The following NEU3 variants were observed in gnomAD, a reference collection of about 807,000 sequenced individuals.
The protein encoded by NEU3 is neuraminidase 3, also known as sialidase-3.
In NEU3, 10 loss-of-function variants were observed where a neutral mutation model predicts 11.4. The observed-to-expected ratio is 0.88, with a 90% confidence interval of 0.54 to 1.49. NEU3 has a LOEUF of 1.49. NEU3 is among the 40% of genes most tolerant of loss of function. The pLI is 0.00. For missense variants in NEU3, 529 were observed against 581.8 expected (o/e 0.91, Z 0.93); for synonymous variants, 212 against 228.2 (o/e 0.93, Z 0.64).
intron 2 of NEU3, among the ~76,000 whole-genome samples, chr11:74,998,067 A>G (rs1304555132): frequency 6.6e-6 from 1 of 152,108 alleles, no homozygotes; most frequent in Non-Finnish European, 1.5e-5. Context: ...GCCTAATTTC[A>G]ATGTTGTTGC....
intron 2 of NEU3, among the ~76,000 whole-genome samples, chr11:75,000,866 G>A (rs1477291904): frequency 6.6e-6 from 1 of 151,568 alleles, no homozygotes; most frequent in African/African-American, 2.4e-5. Flanking sequence ...TTCATCTCTT[G>A]ATGGATACTT....
At chr11:74,995,825 A>G (rs1031729170) in intron 2 of NEU3, among the ~76,000 whole-genome samples, 100 of 151,552 alleles carry the variant, frequency 6.6e-4, no homozygotes, top group African/African-American at 2.3e-3. Context: ...TTATTTTTCT[A>G]GAAGCATTTC....
downstream of NEU3, among the ~76,000 whole-genome samples, chr11:75,012,648 C>A (rs1948963862): frequency 6.6e-6 from 1 of 152,202 alleles, no homozygotes; most frequent in Non-Finnish European, 1.5e-5. Context: ...CGACTTTGCA[C>A]TTGTGTTGAA....
the NEU3 span, among the ~76,000 whole-genome samples, chr11:74,982,705 A>G: frequency 6.6e-6 from 1 of 152,138 alleles, no homozygotes. Flanking sequence ...AAAAATGCCA[A>G]ATACCATGGG....
upstream of NEU3, among the ~76,000 whole-genome samples, chr11:74,983,386 G>A (rs1363490268): frequency 1.3e-5 from 2 of 152,166 alleles, no homozygotes; most frequent in African/African-American, 2.4e-5. Context: ...AAAAGCACAG[G>A]TTTAGTTGAA....
chr11:75,015,945 C>T (rs922027703), intron 3 of NEU3, among the ~76,000 whole-genome samples: 3 of 152,210 alleles, frequency 2.0e-5, no homozygotes, highest in African/African-American at 7.2e-5. Flanking sequence ...GATGTTTCAC[C>T]ACCCATACAG....
At chr11:75,013,275 G>C (rs762019853), downstream of NEU3, among the ~76,000 whole-genome samples, 14 of 145,590 alleles carry the variant, frequency 9.6e-5, no homozygotes, top group Non-Finnish European at 2.1e-4. Flanking sequence ...GATCTGATGA[G>C]TCAGTGAATC....
chr11:75,003,567 G>A (rs990458314), intron 2 of NEU3, among the ~76,000 whole-genome samples: 7 of 152,032 alleles, frequency 4.6e-5, no homozygotes, highest in African/African-American at 1.7e-4. Context: ...ACACTATTCT[G>A]TATTTTGCTT....
intron 2 of NEU3, among the ~76,000 whole-genome samples, chr11:75,003,972 C>G (rs1948872359): frequency 6.6e-6 from 1 of 152,076 alleles, no homozygotes; most frequent in African/African-American, 2.4e-5. Context: ...TTCATTTCAC[C>G]CATTCTGTAT....
upstream of NEU3, among the ~76,000 whole-genome samples, chr11:74,983,862 A>G (rs1228120270): frequency 6.6e-6 from 1 of 152,192 alleles, no homozygotes; most frequent in Non-Finnish European, 1.5e-5. Context: ...TCAATACAGA[A>G]ACTTGAGAAT....
At chr11:75,005,318 T>G in intron 2 of NEU3, 95 bp from the exon 3 acceptor site, 1 of 1,280,808 alleles carries the variant, frequency 7.8e-7, no homozygotes, top group Non-Finnish European at 1.1e-6. Flanking sequence ...TCAATATCAT[T>G]TATTTCTTAT....
intron 2 of NEU3, 26 bp from the exon 3 acceptor site, chr11:75,005,387 C>A: frequency 1.3e-6 from 2 of 1,547,372 alleles, no homozygotes; most frequent in South Asian, 1.2e-5. Context: ...TATCTCACTC[C>A]TACTTTCTCC....
chr11:74,990,170 T>C (rs1948714731), intron 1 of NEU3: 2 of 615,290 alleles, frequency 3.3e-6, no homozygotes, highest in African/African-American at 3.7e-5. Context: ...AAAACACTTT[T>C]GAGTGGTTCT....
intron 1 of NEU3, chr11:74,989,863 G>C: frequency 3.0e-6 from 2 of 658,396 alleles, no homozygotes; most frequent in Non-Finnish European, 5.5e-6. Context: ...GGACTTGATG[G>C]GAAAGTGATT....
downstream of NEU3, among the ~76,000 whole-genome samples, chr11:75,019,659 G>A (rs1426920274): frequency 2.6e-5 from 4 of 152,214 alleles, no homozygotes; most frequent in African/African-American, 9.6e-5. Context: ...CAGAAGTCAA[G>A]AATTGGGATT....
At chr11:74,996,581 C>T (rs1948792604) in intron 2 of NEU3, among the ~76,000 whole-genome samples, 7 of 152,182 alleles carry the variant, frequency 4.6e-5, no homozygotes, top group Admixed American at 4.6e-4. Context: ...GTATGGGAAT[C>T]AACTTCTCAA....
chr11:75,015,263 C>T (rs1948975909), downstream of NEU3, among the ~76,000 whole-genome samples: 1 of 152,156 alleles, frequency 6.6e-6, no homozygotes, highest in Non-Finnish European at 1.5e-5. Context: ...CAACAGGGTG[C>T]CATCTGTGAG....
At chr11:75,014,044 T>G (rs543511623), downstream of NEU3, among the ~76,000 whole-genome samples, 7 of 152,252 alleles carry the variant, frequency 4.6e-5, no homozygotes, top group African/African-American at 1.7e-4. Flanking sequence ...TAGAGTCACC[T>G]CTCAAACCAA....
At chr11:74,990,958 T>C (rs1948725412) in intron 1 of NEU3, among the ~76,000 whole-genome samples, 1 of 152,232 alleles carries the variant, frequency 6.6e-6, no homozygotes, top group South Asian at 2.1e-4. Context: ...TTAAAAATAA[T>C]AACTGTCATA....
Sources: gnomAD v4.1 joint callset for allele counts (sites outside exome capture counted in the v4.1 genomes callset) on GRCh38, gnomAD v4.1.1 for gene constraint, MANE v1.5 for transcripts, NCBI Gene and HGNC (gene_info 2026-07-23, HGNC 2026-07-21) for gene names.